Variants in TTLL7 observed in about 807,000 individuals in gnomAD.
TTLL7 encodes the protein tubulin tyrosine ligase like 7.
TTLL7 carries 53 observed loss-of-function variants against 120.2 expected under a neutral mutation model. The ratio of observed to expected loss-of-function variants is 0.44; its 90% CI spans 0.35 to 0.55. The LOEUF (loss-of-function observed/expected upper bound fraction) is 0.55, where lower values mean the gene tolerates loss of function less well. Among genes scored for constraint, TTLL7 ranks in the 20% least tolerant of loss-of-function variants. The pLI, the probability that TTLL7 is intolerant of heterozygous loss-of-function variation, is 0.00. For missense variants in TTLL7, 803 were observed against 1,054.7 expected (o/e 0.76, Z 3.31); for synonymous variants, 353 against 351.7 (o/e 1.00, Z -0.04).
At chr1:83,946,935 A>G (rs1648562123) in intron 6 of TTLL7, among the ~76,000 whole-genome samples, 189 bp downstream of exon 6, 1 of 152,226 alleles carries the variant, frequency 6.6e-6, no homozygotes, top group Non-Finnish European at 1.5e-5. Context: ...TAATTGAATT[A>G]CTGAAGCCTG....
In TTLL7 at chr1:83,866,110, A is replaced by C. The variant is rs917692649; in HGVS notation, c.*3852T>G. 1.3e-5 allele frequency: 2 copies of C among 151,754 alleles called. No individual in the cohort carries two copies. Among genetic ancestry groups the C allele is most frequent in the Non-Finnish European group, 3.0e-5 (2 of 67,738 alleles). The allele number at this position is 151,754 out of a possible 1,614,324, so 9.4% of individuals were successfully genotyped here. ...AACCCCTATGACCATGTAAACTAAG[A>C]CTCAAAGTTTAAATTAGCATTACAG... On this transcript the variant is annotated 3_prime_UTR_variant, in exon 21 of 21. Coordinates refer to ENST00000260505, the MANE Select transcript of TTLL7 (RefSeq NM_024686.6).
intron 3 of TTLL7, 23 bp downstream of exon 3, chr1:83,951,822 T>C: frequency 6.3e-7 from 1 of 1,590,808 alleles, no homozygotes; most frequent in Non-Finnish European, 8.5e-7. Context: ...GAGAATCCCA[T>C]GATTGCTTCT....
intron 1 of TTLL7, among the ~76,000 whole-genome samples, chr1:83,967,612 C>T (rs1650588929): frequency 6.6e-6 from 1 of 152,040 alleles, no homozygotes; most frequent in Admixed American, 6.6e-5. Flanking sequence ...CTGCACAAGG[C>T]ACTAAGGTTC....
In TTLL7 at chr1:83,960,460, T is replaced by C. The variant is rs1460587921; in HGVS notation, c.-176-8073A>G. ...CAGAATAGCAGCAGGACTTGGTGAC[T>C]GATAAGGAAAATGTAATCCTGGATG... On this transcript the variant is annotated intron_variant, in intron 1 of 20. Coordinates refer to ENST00000260505, the MANE Select transcript of TTLL7 (RefSeq NM_024686.6). 9.2e-5 allele frequency among the ~76,000 whole-genome samples: 14 copies of C among 152,234 alleles called. No individual in the cohort carries two copies. The East Asian group carries it at 1.5e-3, about 17-fold the overall frequency.
At chr1:83,891,248 T>C (rs921053487) in intron 18 of TTLL7, among the ~76,000 whole-genome samples, 5 of 151,830 alleles carry the variant, frequency 3.3e-5, no homozygotes, top group Non-Finnish European at 7.4e-5. Flanking sequence ...ATCAGGAATA[T>C]ATAAAGAATG....
intron 9 of TTLL7, among the ~76,000 whole-genome samples, chr1:83,932,544 T>C (rs1659682228): frequency 6.7e-6 from 1 of 149,422 alleles, no homozygotes; most frequent in Non-Finnish European, 1.5e-5. Flanking sequence ...CTGTTTAAAG[T>C]AGATGTGACC....
At chr1:83,916,093 G>A (rs1300886002) in intron 14 of TTLL7, among the ~76,000 whole-genome samples, 1 of 152,126 alleles carries the variant, frequency 6.6e-6, no homozygotes, top group Non-Finnish European at 1.5e-5. Context: ...CGATTCCTCA[G>A]GGATCTAGAA....
intron 18 of TTLL7, among the ~76,000 whole-genome samples, chr1:83,899,847 T>C (rs1656569940): frequency 6.6e-6 from 1 of 151,956 alleles, no homozygotes; most frequent in African/African-American, 2.4e-5. Flanking sequence ...GGTGTATGAT[T>C]AATACTTAAA....
chr1:83,948,790 T>A, intron 4 of TTLL7, 95 bp from the exon 5 acceptor site: 1 of 845,214 alleles, frequency 1.2e-6, no homozygotes, highest in Non-Finnish European at 1.9e-6. Flanking sequence ...GAGTTTTATG[T>A]TTTAATAAAC....
chr1:83,903,716 T>C (rs1255480292), intron 18 of TTLL7, among the ~76,000 whole-genome samples: 1 of 152,030 alleles, frequency 6.6e-6, no homozygotes, highest in African/African-American at 2.4e-5. Flanking sequence ...ATATGTTCAG[T>C]ACAGACACAG....
chr1:83,974,559 A>G (rs1452829341), intron 1 of TTLL7, among the ~76,000 whole-genome samples: 1 of 152,040 alleles, frequency 6.6e-6, no homozygotes, highest in African/African-American at 2.4e-5. Context: ...GATCTTGTTA[A>G]TAAACATAAG....
Position 83,869,920 on chromosome 1 carries a change from A to T in TTLL7, c.*42T>A, listed in dbSNP as rs1271262641. On this transcript the variant is annotated 3_prime_UTR_variant, in exon 21 of 21. Coordinates refer to ENST00000260505, the MANE Select transcript of TTLL7 (RefSeq NM_024686.6). The stretch of plus-strand genomic sequence containing the variant: ...TGTTCAACTTCAGAGGAAAAAAATG[A>T]ATTGCTGTTATGTATAACCAATGGC... The T allele has an allele frequency of 6.3e-7, 1 of 1,581,566 alleles. No homozygotes were observed. The highest frequency in any genetic ancestry group is 1.4e-5 in the African/African-American group (1 of 73,086).
chr1:83,963,024 A>C (rs1317595326), intron 1 of TTLL7, among the ~76,000 whole-genome samples: 1 of 152,158 alleles, frequency 6.6e-6, no homozygotes, highest in Non-Finnish European at 1.5e-5. Flanking sequence ...CAATGGCACA[A>C]TGACTTTGGA....
intron 19 of TTLL7, among the ~76,000 whole-genome samples, chr1:83,885,455 T>C (rs1654894853): frequency 6.6e-6 from 1 of 152,058 alleles, no homozygotes; most frequent in African/African-American, 2.4e-5. Flanking sequence ...ACTTCTTGAA[T>C]AATATGTGAG....
chr1:83,986,794 C>T (rs760368554), intron 1 of TTLL7, among the ~76,000 whole-genome samples: 4 of 152,174 alleles, frequency 2.6e-5, no homozygotes, highest in Non-Finnish European at 4.4e-5. Flanking sequence ...GAGCCAAGAT[C>T]GTGCCACTGC....
chr1:83,888,889 GAGAAACAAAAAACT>G (rs1655196257), intron 19 of TTLL7, among the ~76,000 whole-genome samples: 1 of 151,910 alleles, frequency 6.6e-6, no homozygotes, highest in Non-Finnish European at 1.5e-5. Context: ...AGAAGGATAT[GAGAAACAAAAAACT>G]GGAAACAAAA....
At chr1:83,882,005 G>A (rs1314348212) in intron 20 of TTLL7, among the ~76,000 whole-genome samples, 17 of 146,678 alleles carry the variant, frequency 1.2e-4, no homozygotes, top group East Asian at 1.0e-3. Flanking sequence ...ACCAAACACC[G>A]CATATTCTCA....
chr1:83,985,167 C>T (rs955683374), intron 1 of TTLL7, among the ~76,000 whole-genome samples: 9 of 152,122 alleles, frequency 5.9e-5, no homozygotes, highest in Non-Finnish European at 1.2e-4. Context: ...CAGTCTGAGT[C>T]CGAAAGCTTC....
At chr1:83,880,923 C>T (rs1480042406) in intron 20 of TTLL7, among the ~76,000 whole-genome samples, 1 of 152,016 alleles carries the variant, frequency 6.6e-6, no homozygotes, top group Non-Finnish European at 1.5e-5. Context: ...ACAGAGCCCT[C>T]AGAAATAATG....
Sources: gnomAD v4.1 joint callset for allele counts (sites outside exome capture counted in the v4.1 genomes callset) on GRCh38, gnomAD v4.1.1 for gene constraint, MANE v1.5 for transcripts, NCBI Gene and HGNC (gene_info 2026-07-23, HGNC 2026-07-21) for gene names.